TMEM260: variants seen among roughly 807,000 people sequenced by gnomAD.
The protein encoded by TMEM260 is transmembrane protein 260.
In TMEM260, 82 loss-of-function variants were observed where a neutral mutation model predicts 88.9. The observed-to-expected ratio is 0.92, with a 90% CI of 0.77 to 1.11. The LOEUF (loss-of-function observed/expected upper bound fraction) is 1.11. Ranked by LOEUF, TMEM260 falls within the 50% of genes least tolerant of loss-of-function variation. The probability of loss-of-function intolerance (pLI) is 0.00; values close to 1 mark genes in which losing one functional copy is unlikely to be tolerated. For synonymous variants in TMEM260, 314 were observed against 309.3 expected (o/e 1.02, Z -0.16); for missense variants, 902 against 853.4 (o/e 1.06, Z -0.71).
At chr14:56,629,991 T>A (rs1219349318) in intron 12 of TMEM260, among the ~76,000 whole-genome samples, 2 of 151,276 alleles carry the variant, frequency 1.3e-5, no homozygotes, top group Non-Finnish European at 2.9e-5. Context: ...CAGTGAGCTA[T>A]GATTGTGCCA....
At chr14:56,598,843 T>TA (rs1886398466) in intron 3 of TMEM260, among the ~76,000 whole-genome samples, 1 of 152,174 alleles carries the variant, frequency 6.6e-6, no homozygotes, top group East Asian at 1.9e-4. Context: ...CCTGCAGACT[T>TA]ACTAGTGCAC....
chr14:56,629,273 T>TG lies in TMEM260; in HGVS notation c.1548-3722_1548-3721insG, dbSNP rs557076344. ...TTGGTAAAGTTTTTGTTTTTGTTGT[T>TG]TTTTTTTTTTTTTGAAGCTGGTTGC... is the stretch of plus-strand genomic sequence containing the variant. On this transcript the variant is annotated intron_variant, in intron 12 of 15. Transcript: ENST00000261556. 7.9e-3 allele frequency among the ~76,000 whole-genome samples: 1,173 copies of TG among 148,222 alleles called. 8 individuals are homozygous for TG. The highest frequency in any genetic ancestry group is 0.032 in the Middle Eastern group (9 of 282).
intron 3 of TMEM260, among the ~76,000 whole-genome samples, chr14:56,599,981 A>C (rs184901799): frequency 9.8e-4 from 150 of 152,350 alleles, no homozygotes; most frequent in African/African-American, 3.6e-3. Context: ...GATGATGATT[A>C]GTCAGATACA....
Position 56,609,216 on chromosome 14 carries a change from G to T in TMEM260, c.747G>T (p.Trp249Cys). 1 of 1,614,100 alleles carries T rather than the reference G, an allele frequency of 6.2e-7. No homozygotes were observed. Among genetic ancestry groups the T allele is most frequent in the Non-Finnish European group, 8.5e-7 (1 of 1,180,030 alleles). ...SSYLNHARWT[W>C]GDQTTLQGFL... Reference sequence around the variant, plus strand: ...ACCTTAATCACGCCCGGTGGACCTGGGGAGACCAGACAACACTGCAAGGAT... The same window carrying T: ...ACCTTAATCACGCCCGGTGGACCTGTGGAGACCAGACAACACTGCAAGGAT... The change falls in exon 6 of 16, where the codon TGG becomes TGT. Residue 249 changes from tryptophan (W) to cysteine (C), a missense_variant. Trp to Cys is a radical substitution (Grantham distance 215). Coordinates refer to ENST00000261556, the MANE Select transcript of TMEM260 (RefSeq NM_017799.4).
chr14:56,579,953 G>T lies in TMEM260; in HGVS notation c.39G>T (p.Gly13=). The change falls in exon 1 of 16, where the codon GGG becomes GGT. Residue 13 remains glycine, a synonymous_variant. Transcript: ENST00000261556. ...GCGACGGCAGGGGCCAGGCCCAGGG[G>T]CGGGCAGTCCGAGTGGGGCTGCGGC... is the stretch of plus-strand genomic sequence containing the variant. ...PHGDGRGQAQ[G]RAVRVGLRRS... is the part of the protein sequence containing the mutation. The T allele has an allele frequency of 5.6e-6, 7 of 1,239,130 alleles. No individual in the cohort carries two copies. The highest frequency in any genetic ancestry group is 7.1e-6 in the Non-Finnish European group (7 of 988,596). The allele number at this position is 1,239,130 out of a possible 1,614,324, so 76.8% of individuals were successfully genotyped here.
In TMEM260 at chr14:56,612,485, A is replaced by G. The variant is rs192357300; in HGVS notation, c.857+200A>G. The G allele has an allele frequency of 5.3e-3, 3,056 of 575,092 alleles. 22 individuals are homozygous for G. The highest frequency in any genetic ancestry group is 5.6e-3 in the Non-Finnish European group (1,825 of 325,210). 35.6% of individuals were successfully genotyped at this position (575,092 alleles called of 1,614,324 possible). ...ATTGGTTACAGGAACTCCTAAGGAT[A>G]TAAAAATCCATGGGTGCTCAAGTCC... On this transcript the variant is annotated intron_variant, in intron 7 of 15. Transcript: ENST00000261556.
chr14:56,587,522 C>T (rs1885581763), intron 3 of TMEM260, among the ~76,000 whole-genome samples: 1 of 151,904 alleles, frequency 6.6e-6, no homozygotes, highest in South Asian at 2.1e-4. Context: ...TTTAGATTAG[C>T]ACACTAGCCT....
At chr14:56,656,166 C>T in the TMEM260 span, among the ~76,000 whole-genome samples, 2 of 152,116 alleles carry the variant, frequency 1.3e-5, no homozygotes, top group African/African-American at 4.8e-5. Context: ...CCTGTAATCT[C>T]ACCACTTTGG....
At chr14:56,652,666 G>A (rs541306661), downstream of TMEM260, among the ~76,000 whole-genome samples, 2 of 152,052 alleles carry the variant, frequency 1.3e-5, no homozygotes, top group Admixed American at 6.6e-5. Context: ...GTTCTTAAAA[G>A]CATAAAAAAC....
At chr14:56,607,556 T>C (rs543052816) in intron 5 of TMEM260, among the ~76,000 whole-genome samples, 1 of 152,286 alleles carries the variant, frequency 6.6e-6, no homozygotes, top group South Asian at 2.1e-4. Context: ...CCTGAGTCAG[T>C]TGGTTTCAAC....
At position 56,579,973 on chromosome 14, in the gene TMEM260, T is replaced by C. The variant is rs546646475; in HGVS notation, c.59T>C (p.Leu20Pro). ...CAGGGGCGGGCAGTCCGAGTGGGGC[T>C]GCGGCGCTCCGGGGGCATCCGCGGC... ...QAQGRAVRVG[L>P]RRSGGIRGGV... Residue 20 changes from leucine to proline, a missense_variant, in exon 1 of 16, where the codon CTG (leucine) becomes CCG (proline). Transcript: ENST00000261556. 92 of 1,243,148 alleles carry C rather than the reference T, an allele frequency of 7.4e-5. No homozygotes were observed. In the African/African-American group the frequency reaches 1.3e-3, roughly 18 times the overall value. The allele number at this position is 1,243,148 out of a possible 1,614,324, so 77.0% of individuals were successfully genotyped here. A position where few individuals can be genotyped will look rare whatever the true frequency, so the allele number is the denominator to read the frequency against.
chr14:56,638,196 C>G (rs1363464015), intron 15 of TMEM260: 3 of 150,900 alleles, frequency 2.0e-5, no homozygotes, highest in African/African-American at 7.3e-5. Flanking sequence ...AGCAAAATAC[C>G]TGATTATAGA....
Position 56,636,612 on chromosome 14 carries a change from T to C in TMEM260, c.1869+14T>C, listed in dbSNP as rs1039782469. ...CAAGCATATGACGTATGTTACACTT[T>C]TATATGTAGATATAGATATATTTGG... On this transcript the variant is annotated intron_variant, in intron 15 of 15. Coordinates refer to ENST00000261556, the MANE Select transcript of TMEM260 (RefSeq NM_017799.4). The C allele has an allele frequency of 1.2e-6, 2 of 1,607,038 alleles. No homozygotes were observed. Among genetic ancestry groups the C allele is most frequent in the African/African-American group, 1.3e-5 (1 of 74,786 alleles).
intron 4 of TMEM260, among the ~76,000 whole-genome samples, chr14:56,604,845 T>C (rs769905637): frequency 4.6e-5 from 7 of 152,246 alleles, no homozygotes; most frequent in African/African-American, 9.6e-5. Flanking sequence ...GGAGTCAGTG[T>C]ATGGAAAATT....
chr14:56,612,328 A>T lies in TMEM260; in HGVS notation c.857+43A>T, dbSNP rs758330040. On this transcript the variant is annotated intron_variant, in intron 7 of 15. Coordinates refer to ENST00000261556, the MANE Select transcript of TMEM260 (RefSeq NM_017799.4). ...GAAACTACTTTAAAATGAATTCTCT[A>T]TTAGTTCCTTTAAGTGATTTTAGGG... is the stretch of plus-strand genomic sequence containing the variant. 4.6e-6 allele frequency: 7 copies of T among 1,515,954 alleles called. No homozygotes were observed. In the Admixed American group the frequency reaches 8.4e-5, roughly 18 times the overall value. The allele number at this position is 1,515,954 out of a possible 1,614,324, so 93.9% of individuals were successfully genotyped here. A position where few individuals can be genotyped will look rare whatever the true frequency, so the allele number is the denominator to read the frequency against.
In TMEM260 at chr14:56,633,147, A is replaced by C; in HGVS notation, c.1700A>C (p.Tyr567Ser). The C allele has an allele frequency of 6.2e-7, 1 of 1,612,838 alleles. No individual in the cohort carries two copies. Among genetic ancestry groups the C allele is most frequent in the Non-Finnish European group, 8.5e-7 (1 of 1,179,364 alleles). The stretch of plus-strand genomic sequence containing the variant: ...TGGATTAAACTTACAAAAAGTATCT[A>C]TAACTGGACCGAAGAATATGGAAGG... ...EEWIKLTKSI[Y>S]NWTEEYGRFD... The change falls in exon 13 of 16, where the codon TAT becomes TCT. Residue 567 changes from tyrosine (Y) to serine (S), a missense_variant. Tyr to Ser is a moderately radical substitution (Grantham distance 144, BLOSUM62 -2). Coordinates refer to ENST00000261556, the MANE Select transcript of TMEM260 (RefSeq NM_017799.4).
At chr14:56,651,813 A>G (rs1326656362), downstream of TMEM260, among the ~76,000 whole-genome samples, 1 of 152,242 alleles carries the variant, frequency 6.6e-6, no homozygotes, top group Non-Finnish European at 1.5e-5. Flanking sequence ...TATAGGGTGA[A>G]GTACAATAGA....
intron 12 of TMEM260, among the ~76,000 whole-genome samples, chr14:56,629,745 AT>A (rs1160621888): frequency 6.6e-6 from 1 of 152,184 alleles, no homozygotes; most frequent in African/African-American, 2.4e-5. Context: ...CATTTTAAAA[AT>A]GTTACTTTAG....
At chr14:56,653,458 G>C (rs1890241418), downstream of TMEM260, among the ~76,000 whole-genome samples, 1 of 151,900 alleles carries the variant, frequency 6.6e-6, no homozygotes, top group Non-Finnish European at 1.5e-5. Context: ...ACCAGGCCAG[G>C]CACGGTGGCT....
Sources: allele counts gnomAD v4.1 joint callset (sites outside exome capture counted in the v4.1 genomes callset), GRCh38; gene constraint gnomAD v4.1.1; transcripts MANE v1.5; gene names NCBI Gene and HGNC (gene_info 2026-07-23, HGNC 2026-07-21).